Variants in MVK observed in about 807,000 individuals in gnomAD.
MVK encodes the protein LH receptor mRNA-binding protein.
In MVK, 34 loss-of-function variants were observed where a neutral mutation model predicts 43.2. The ratio of observed to expected loss-of-function variants is 0.79; its 90% CI spans 0.60 to 1.05. The LOEUF (loss-of-function observed/expected upper bound fraction) is 1.05. Among genes scored for constraint, MVK ranks in the 50% least tolerant of loss-of-function variants. The pLI is 0.00. For synonymous variants in MVK, 190 were observed against 219.8 expected (o/e 0.86, Z 1.20); for missense variants, 395 against 504.0 (o/e 0.78, Z 2.07).
At chr12:109,592,358 T>C (rs1177367355) in intron 9 of MVK, among the ~76,000 whole-genome samples, 1 of 152,258 alleles carries the variant, frequency 6.6e-6, no homozygotes, top group Non-Finnish European at 1.5e-5. Flanking sequence ...GTTAGCCATC[T>C]GGCTGCCCTT....
intron 5 of MVK, among the ~76,000 whole-genome samples, chr12:109,582,471 T>A (rs1475884657): frequency 1.3e-5 from 2 of 152,154 alleles, no homozygotes; most frequent in African/African-American, 4.8e-5. Context: ...TGGCCCTGTC[T>A]TTCAAAAGGT....
At chr12:109,588,420 G>A (rs1885533117) in intron 7 of MVK, 1 of 152,336 alleles carries the variant, frequency 6.6e-6, no homozygotes, top group Admixed American at 6.5e-5. Flanking sequence ...ACGTGGGCTG[G>A]GCACCGAGTG....
chr12:109,580,866 A>G (rs1016688359), intron 4 of MVK, among the ~76,000 whole-genome samples: 1 of 152,060 alleles, frequency 6.6e-6, no homozygotes, highest in Non-Finnish European at 1.5e-5. Flanking sequence ...TGAACACACA[A>G]TCCTAGTGTG....
upstream of MVK, chr12:109,573,345 A>C (rs1593008134): frequency 6.2e-7 from 1 of 1,613,028 alleles, no homozygotes; most frequent in Non-Finnish European, 8.5e-7. Flanking sequence ...CCAGCCACTC[A>C]CCTGTCCCCG....
At chr12:109,573,429 G>T (rs374802787), upstream of MVK, 38 of 1,607,134 alleles carry the variant, frequency 2.4e-5, 1 homozygote, top group Admixed American at 2.2e-4. Flanking sequence ...CACCCGCGCA[G>T]GCCAAGACGG....
At chr12:109,591,512 G>A (rs1423133453) in intron 9 of MVK, 155 bp downstream of exon 9, 1 of 729,610 alleles carries the variant, frequency 1.4e-6, no homozygotes, top group Admixed American at 2.0e-5. Flanking sequence ...GCCCAGGTCT[G>A]TGCGTGCCAT....
At chr12:109,583,411 C>T (rs1885308500) in intron 5 of MVK, among the ~76,000 whole-genome samples, 2 of 152,078 alleles carry the variant, frequency 1.3e-5, no homozygotes, top group African/African-American at 4.8e-5. Context: ...ATCCATGTCC[C>T]TACAAAGGAC....
chr12:109,575,929 T>G, intron 2 of MVK, 69 bp from the exon 3 acceptor site: 1 of 1,587,044 alleles, frequency 6.3e-7, no homozygotes, highest in Non-Finnish European at 8.6e-7. Context: ...TGCTCTCTTC[T>G]TAGCACGTGG....
chr12:109,591,424 A>G, intron 9 of MVK, 67 bp downstream of exon 9: 1 of 1,459,706 alleles, frequency 6.9e-7, no homozygotes, highest in Non-Finnish European at 9.6e-7. Context: ...GTGGCTCTGC[A>G]ATCTGGCTGT....
At chr12:109,594,513 G>A (rs938809425) in intron 9 of MVK, among the ~76,000 whole-genome samples, 1 of 152,256 alleles carries the variant, frequency 6.6e-6, no homozygotes, top group Admixed American at 6.5e-5. Flanking sequence ...GAAAGGGAAT[G>A]TATTGGCTCT....
chr12:109,581,563 C>A lies in MVK; in HGVS notation c.527+13C>A, dbSNP rs199670546. 2.3e-5 allele frequency: 37 copies of A among 1,614,168 alleles called. No homozygotes were observed. The East Asian group carries it at 8.2e-4, about 36-fold the overall frequency. The stretch of plus-strand genomic sequence containing the variant: ...ATTGCGTCAACAGGTAACCATGGTC[C>A]TTACCTGGCCAGTGTCCCTCCCGCA... On this transcript the variant is annotated intron_variant, in intron 5 of 10. Coordinates refer to ENST00000228510, the MANE Select transcript of MVK (RefSeq NM_000431.4).
intron 3 of MVK, among the ~76,000 whole-genome samples, chr12:109,578,963 C>T (rs187008936): frequency 6.6e-4 from 100 of 152,330 alleles, no homozygotes; most frequent in Non-Finnish European, 1.2e-3. Context: ...CGCATTTACA[C>T]TGTCCTATTC....
intron 3 of MVK, chr12:109,579,256 C>T (rs1199943523): frequency 6.9e-6 from 3 of 437,094 alleles, no homozygotes; most frequent in East Asian, 7.1e-5. Flanking sequence ...CCTCCTGCCT[C>T]AGCCTTCTGA....
rs1885667648 is a variant in MVK at position 109,591,278 on chromosome 12, A to G, written c.806A>G (p.Asp269Gly). The G allele has an allele frequency of 6.2e-7, 1 of 1,614,116 alleles. No homozygotes were observed. The highest frequency in any genetic ancestry group is 1.3e-5 in the African/African-American group (1 of 75,026). ...EIVAPLLTSI[D>G]AISLECERVL... ...GTGGCCCCCCTCCTGACCTCAATAG[A>G]TGCCATCTCCCTGGAGTGTGAGCGC... The change falls in exon 9 of 11, where the codon GAT becomes GGT. Residue 269 changes from aspartate (D) to glycine (G), a missense_variant. Asp to Gly is a moderately conservative substitution (Grantham distance 94). Coordinates refer to ENST00000228510, the MANE Select transcript of MVK (RefSeq NM_000431.4).
rs1244906206 is a variant in MVK at position 109,596,752 on chromosome 12, G to A, written c.*175G>A. On this transcript the variant is annotated 3_prime_UTR_variant, in exon 11 of 11. Coordinates refer to ENST00000228510, the MANE Select transcript of MVK (RefSeq NM_000431.4). ...CAGTCCCAGCGGTGGGACCTAGGGA[G>A]GCATGGTCTGCCCTCTGCATCCTCT... 1 of 947,016 alleles carries A rather than the reference G, an allele frequency of 1.1e-6. No homozygotes were observed. Among genetic ancestry groups the A allele is most frequent in the Admixed American group, 2.1e-5 (1 of 47,078 alleles). 58.7% of individuals were successfully genotyped at this position (947,016 alleles called of 1,614,324 possible).
chr12:109,595,317 A>G lies in MVK; in HGVS notation c.1039+136A>G, dbSNP rs147059355. On this transcript the variant is annotated intron_variant, in intron 10 of 10. Coordinates refer to ENST00000228510, the MANE Select transcript of MVK (RefSeq NM_000431.4). The surrounding 1 kb of genome is among the most constrained non-coding windows in gnomAD (Gnocchi z 5.9). ...TGTGTGGCCTTGGGCAAGTTAGTTA[A>G]CCTCTGGTCTTTGCTTCCTCATTGG... 501 of 1,092,866 alleles carry G rather than the reference A, an allele frequency of 4.6e-4. 1 individual carries two copies. The highest frequency in any genetic ancestry group is 6.2e-4 in the Non-Finnish European group (477 of 775,378). The allele number at this position is 1,092,866 out of a possible 1,614,324, so 67.7% of individuals were successfully genotyped here.
At chr12:109,575,904 C>G in intron 2 of MVK, 94 bp from the exon 3 acceptor site, 2 of 1,477,058 alleles carry the variant, frequency 1.4e-6, no homozygotes, top group Non-Finnish European at 9.4e-7. Flanking sequence ...TAGGAGTGGC[C>G]TCTGTGCTTA....
chr12:109,578,522 G>T (rs988646790), intron 3 of MVK, among the ~76,000 whole-genome samples: 2 of 152,284 alleles, frequency 1.3e-5, no homozygotes, highest in South Asian at 4.1e-4. Context: ...CCATTGTACA[G>T]ATCTGAAAAT....
intron 3 of MVK, among the ~76,000 whole-genome samples, chr12:109,576,453 G>A (rs1884960029): frequency 6.6e-6 from 1 of 151,954 alleles, no homozygotes; most frequent in South Asian, 2.1e-4. Flanking sequence ...AAGGTCTCGG[G>A]GGCATAGACA....
Sources: gnomAD v4.1 joint callset for allele counts (sites outside exome capture counted in the v4.1 genomes callset) on GRCh38, gnomAD v4.1.1 for gene constraint, Gnocchi (gnomAD v3.1) non-coding constraint, MANE v1.5 for transcripts, NCBI Gene and HGNC (gene_info 2026-07-23, HGNC 2026-07-21) for gene names.